The following GSDME variants were observed in gnomAD, a reference collection of about 807,000 sequenced individuals.
GSDME encodes gasdermin E.
GSDME carries 44 observed loss-of-function variants against 47.5 expected under a neutral mutation model. The observed-to-expected ratio is 0.93, with a 90% CI of 0.73 to 1.19. The LOEUF (loss-of-function observed/expected upper bound fraction) is 1.19, where lower values mean the gene tolerates loss of function less well. GSDME is among the 50% of genes most tolerant of loss of function. GSDME has a pLI of 0.00. For synonymous variants in GSDME, 258 were observed against 252.8 expected (o/e 1.02, Z -0.20); for missense variants, 663 against 604.2 (o/e 1.10, Z -1.02).
At chr7:24,785,681 T>C in the GSDME span, among the ~76,000 whole-genome samples, 3 of 152,190 alleles carry the variant, frequency 2.0e-5, no homozygotes, top group Non-Finnish European at 4.4e-5. Context: ...GGTCTCGATC[T>C]CCTGACCTCA....
chr7:24,703,100 C>G (rs145582884), intron 8 of GSDME: 2 of 388,656 alleles, frequency 5.1e-6, no homozygotes, highest in African/African-American at 4.2e-5. Flanking sequence ...AAAGAACTGC[C>G]CAGACTCTGG....
At chr7:24,740,936 A>G (rs1478206734) in intron 3 of GSDME, among the ~76,000 whole-genome samples, 1 of 152,144 alleles carries the variant, frequency 6.6e-6, no homozygotes, top group East Asian at 1.9e-4. Context: ...GGAAAGCACA[A>G]CGCAGCATGG....
intron 6 of GSDME, 63 bp downstream of exon 6, chr7:24,710,161 C>T (rs1789288933): frequency 6.4e-7 from 1 of 1,570,164 alleles, no homozygotes; most frequent in Admixed American, 1.7e-5. Flanking sequence ...GCCACACCAC[C>T]TCTTGGGATA....
chr7:24,725,498 G>A lies in GSDME; in HGVS notation c.405-6280C>T, dbSNP rs926162275. 2.0e-4 allele frequency among the ~76,000 whole-genome samples: 30 copies of A among 152,082 alleles called. No homozygotes were observed. The highest frequency in any genetic ancestry group is 4.3e-4 in the Non-Finnish European group (29 of 68,022). ...AGGGGTTTATTCGGCCGGGAGCGTC[G>A]GCAAGACTCCTGTCTCAAGAGCCAA... On this transcript the variant is annotated intron_variant, in intron 3 of 9. Coordinates refer to ENST00000645220, the MANE Select transcript of GSDME (RefSeq NM_001127453.2). The surrounding 1 kb of genome is among the most constrained non-coding windows in gnomAD (Gnocchi z 5.1).
rs1399084311 is a variant in GSDME, at chr7:24,725,328, T to C, written c.405-6110A>G. ...GTAAATGTTTTTTTCCTTCCACTAT[T>C]GGCAGGGAAGGCAAGTCAAGACCCC... On this transcript the variant is annotated intron_variant, in intron 3 of 9. Coordinates refer to ENST00000645220, the MANE Select transcript of GSDME (RefSeq NM_001127453.2). The surrounding 1 kb of genome is among the most constrained non-coding windows in gnomAD (Gnocchi z 5.1). Among the ~76,000 whole-genome samples the C allele has an allele frequency of 2.0e-5, 3 of 152,116 alleles. No individual in the cohort carries two copies. The highest frequency in any genetic ancestry group is 4.4e-5 in the Non-Finnish European group (3 of 68,018).
chr7:24,702,842 G>C lies in GSDME; in HGVS notation c.1184-9C>G. ...TGCGCTATCTGGCATTTCTGCAGGA[G>C]AGAAAAATCACAGTCACAGTCCAAA... On this transcript the variant is annotated splice_polypyrimidine_tract_variant and intron_variant, in intron 8 of 9. Coordinates refer to ENST00000645220, the MANE Select transcript of GSDME (RefSeq NM_001127453.2). The C allele has an allele frequency of 6.2e-7, 1 of 1,611,842 alleles. No individual in the cohort carries two copies. The highest frequency in any genetic ancestry group is 8.5e-7 in the Non-Finnish European group (1 of 1,178,706).
chr7:24,756,571 G>A lies in GSDME; in HGVS notation c.-20+825C>T, dbSNP rs1358442974. ...ACTTGGACTTGCCCCACCTGCCTGC[G>A]TCTCGAGGACAGCGACCGCAAGCCA... On this transcript the variant is annotated intron_variant, in intron 1 of 9. Transcript: ENST00000645220. The surrounding 1 kb of genome is among the most constrained non-coding windows in gnomAD (Gnocchi z 4.2). Among the ~76,000 whole-genome samples the A allele has an allele frequency of 1.3e-5, 2 of 152,238 alleles. No homozygotes were observed. Among genetic ancestry groups the A allele is most frequent in the Non-Finnish European group, 2.9e-5 (2 of 68,018 alleles).
chr7:24,762,921 T>C (rs894925704), upstream of GSDME, among the ~76,000 whole-genome samples: 5 of 152,188 alleles, frequency 3.3e-5, no homozygotes, highest in Non-Finnish European at 7.3e-5. Context: ...CTCCAGGTTG[T>C]TGAGGTTGCC....
rs752343021 is a variant in GSDME at position 24,744,710 on chromosome 7, T to C, written c.256A>G (p.Asn86Asp). The part of the protein sequence containing the change: ...DFVKYEGKFA[N>D]HVSGTLETAL... ...GTCTCCAGGGTTCCACTCACGTGGT[T>C]TGCAAACTTGCCCTCGTATTTCACA... Residue 86 changes from asparagine to aspartate, a missense_variant, in exon 3 of 10, where the codon AAC becomes GAC. Physicochemically the swap from Asn to Asp is conservative, Grantham distance 23. Coordinates refer to ENST00000645220, the MANE Select transcript of GSDME (RefSeq NM_001127453.2). This position sits in a 1 kb window ranked among gnomAD's most constrained non-coding sequence, Gnocchi z 4.5. 2 of 1,614,100 alleles carry C rather than the reference T, an allele frequency of 1.2e-6. No homozygotes were observed. Among genetic ancestry groups the C allele is most frequent in the East Asian group, 2.2e-5 (1 of 44,886 alleles).
chr7:24,717,322 T>C lies in GSDME; in HGVS notation c.629A>G (p.Glu210Gly). The C allele has an allele frequency of 6.2e-7, 1 of 1,610,410 alleles. No homozygotes were observed. The highest frequency in any genetic ancestry group is 8.5e-7 in the Non-Finnish European group (1 of 1,178,574). Residue 210 changes from glutamate to glycine, a missense_variant, in exon 5 of 10, where the codon GAG becomes GGG. Physicochemically the swap from Glu to Gly is moderately conservative, Grantham distance 98 (BLOSUM62 -2). Transcript: ENST00000645220. ...GGCAATGGTGGTGGCAGCTGGGATC[T>C]CCAGCACCACGTTGGAGTCCTTGGT... is the stretch of plus-strand genomic sequence containing the variant. ...NVTKDSNVVL[E>G]IPAATTIAYG...
chr7:24,744,923 CGTGT>C lies in GSDME; in HGVS notation c.212-173_212-170del, dbSNP rs3038356. Among the ~76,000 whole-genome samples the C allele has an allele frequency of 0.13, 18,191 of 140,110 alleles. 1,279 individuals carry two copies. Among genetic ancestry groups the C allele is most frequent in the East Asian group, 0.2 (935 of 4,732 alleles). The allele number at this position is 140,110 out of a possible 152,430, so 91.9% of individuals were successfully genotyped here. On this transcript the variant is annotated intron_variant, in intron 2 of 9. Transcript: ENST00000645220. This position sits in a 1 kb window ranked among gnomAD's most constrained non-coding sequence, Gnocchi z 4.5. ...GTGTGGGCAAGAAAACAGGGCAGCACGTGTGTGTGTGTGTGTGTGTGTGTGTGTG... is the reference window on the plus strand; with the variant it reads ...GTGTGGGCAAGAAAACAGGGCAGCACGTGTGTGTGTGTGTGTGTGTGTGTG...
rs2128057183 is a variant in GSDME at position 24,728,201 on chromosome 7, G to T, written c.405-8983C>A. On this transcript the variant is annotated intron_variant, in intron 3 of 9. Transcript: ENST00000645220. This position sits in a 1 kb window ranked among gnomAD's most constrained non-coding sequence, Gnocchi z 7.2. ...TCTCCCTCTTAAAAAGGGACACAAA[G>T]AAGAGGCCACTTTTCTGCCTCTGGA... Among the ~76,000 whole-genome samples the T allele has an allele frequency of 1.3e-5, 2 of 152,254 alleles. No individual in the cohort carries two copies. The highest frequency in any genetic ancestry group is 3.9e-4 in the East Asian group (2 of 5,182).
Position 24,756,147 on chromosome 7 carries a change from A to G in GSDME, c.-20+1249T>C, listed in dbSNP as rs1266840507. Reference sequence around the variant, plus strand: ...AAGACAGGCAGGAGCTCGAAAGGAGAAGGAGAGTGAGGCGCCAAAGGCTTT... The same window carrying G: ...AAGACAGGCAGGAGCTCGAAAGGAGGAGGAGAGTGAGGCGCCAAAGGCTTT... On this transcript the variant is annotated intron_variant, in intron 1 of 9. Transcript: ENST00000645220. This position sits in a 1 kb window ranked among gnomAD's most constrained non-coding sequence, Gnocchi z 4.2. Among the ~76,000 whole-genome samples, 1 of 152,174 alleles carries G rather than the reference A, an allele frequency of 6.6e-6. No homozygotes were observed.
At chr7:24,710,861 G>A (rs1033606583) in intron 5 of GSDME, among the ~76,000 whole-genome samples, 1 of 152,034 alleles carries the variant, frequency 6.6e-6, no homozygotes, top group Non-Finnish European at 1.5e-5. Flanking sequence ...ATAATATACA[G>A]CAATAAAAAA....
the GSDME span, among the ~76,000 whole-genome samples, chr7:24,774,449 C>T: frequency 1.3e-5 from 2 of 151,604 alleles, no homozygotes; most frequent in Admixed American, 6.6e-5. Context: ...TTTTGTGCCA[C>T]GTCTGGCTTT....
chr7:24,775,571 A>G, the GSDME span, among the ~76,000 whole-genome samples: 1 of 152,132 alleles, frequency 6.6e-6, no homozygotes, highest in Admixed American at 6.5e-5. Context: ...GCAGCCTCTC[A>G]GAATCTCTGC....
intron 3 of GSDME, among the ~76,000 whole-genome samples, chr7:24,737,470 CA>C (rs146678232): frequency 0.15 from 21,926 of 150,898 alleles, 1,709 homozygotes; most frequent in Non-Finnish European, 0.17. Flanking sequence ...GCCAAAATAA[CA>C]AAAAAAACAA....
At chr7:24,743,994 G>C (rs1268310669) in intron 3 of GSDME, 2 of 178,338 alleles carry the variant, frequency 1.1e-5, no homozygotes, top group Non-Finnish European at 2.4e-5. Context: ...ATGGCACATA[G>C]GACGCACTCA....
intron 4 of GSDME, 72 bp from the exon 5 acceptor site, chr7:24,717,446 AGCCTCGT>A: frequency 6.2e-7 from 1 of 1,608,374 alleles, no homozygotes; most frequent in South Asian, 1.1e-5. Context: ...CACTGCAGCC[AGCCTCGT>A]GCCTTATACA....
Sources: allele counts gnomAD v4.1 joint callset (sites outside exome capture counted in the v4.1 genomes callset), GRCh38; gene constraint gnomAD v4.1.1; non-coding constraint Gnocchi (gnomAD v3.1); transcripts MANE v1.5; gene names NCBI Gene and HGNC (gene_info 2026-07-23, HGNC 2026-07-21).